Variants in SLC16A12 observed in about 807,000 individuals in gnomAD.
SLC16A12 encodes solute carrier family 16 member 12.
SLC16A12 carries 17 observed loss-of-function variants against 42.4 expected under a neutral mutation model. The observed-to-expected ratio is 0.40, with a 90% CI of 0.27 to 0.60. SLC16A12 has a LOEUF of 0.60. Ranked by LOEUF, SLC16A12 falls within the 20% of genes least tolerant of loss-of-function variation. The probability of loss-of-function intolerance (pLI) is 0.42; values close to 1 mark genes in which losing one functional copy is unlikely to be tolerated. For synonymous variants in SLC16A12, 224 were observed against 229.4 expected, an observed-to-expected ratio of 0.98 and a Z score of 0.21; for missense variants, 544 against 623.0, an observed-to-expected ratio of 0.87 and a Z score of 1.35.
upstream of SLC16A12, among the ~76,000 whole-genome samples, chr10:89,540,485 T>A (rs184850692): frequency 8.8e-4 from 134 of 152,338 alleles, no homozygotes; most frequent in Middle Eastern, 3.4e-3. Flanking sequence ...CTTTAGCCCC[T>A]ATTTCCACTG....
intron 2 of SLC16A12, among the ~76,000 whole-genome samples, chr10:89,486,691 AAAG>A (rs1176323365): frequency 6.9e-6 from 1 of 145,566 alleles, no homozygotes; most frequent in Non-Finnish European, 1.5e-5. Flanking sequence ...AAAAGAAAGA[AAAG>A]AAAAGAAAAA....
At chr10:89,509,099 A>T (rs1843119818) in intron 2 of SLC16A12, among the ~76,000 whole-genome samples, 1 of 152,204 alleles carries the variant, frequency 6.6e-6, no homozygotes, top group South Asian at 2.1e-4. Context: ...TAAGGCAATA[A>T]TTAATAGCCT....
rs750563271 is a variant in SLC16A12, at chr10:89,433,013, G to C, written c.*51C>G. 2 of 1,603,500 alleles carry C rather than the reference G, an allele frequency of 1.2e-6. No homozygotes were observed. The highest frequency in any genetic ancestry group is 2.3e-5 in the South Asian group (2 of 88,396). On this transcript the variant is annotated 3_prime_UTR_variant, in exon 8 of 8. Transcript: ENST00000371790. The stretch of plus-strand genomic sequence containing the variant: ...AAAGTTTCAGAAACATGAAGAATCT[G>C]GTGGCCCCACCTCTCTCAAACCTGA...
chr10:89,485,713 A>G (rs913621833), intron 2 of SLC16A12, among the ~76,000 whole-genome samples: 2 of 152,170 alleles, frequency 1.3e-5, no homozygotes, highest in Non-Finnish European at 2.9e-5. Context: ...CAGGTGAAAG[A>G]AGAAATGAGT....
chr10:89,493,448 C>T (rs559172022), intron 2 of SLC16A12, among the ~76,000 whole-genome samples: 33 of 152,302 alleles, frequency 2.2e-4, no homozygotes, highest in African/African-American at 7.7e-4. Flanking sequence ...GTCTTGAACT[C>T]CCAACCTCAG....
chr10:89,456,706 C>A (rs578083998), intron 3 of SLC16A12, among the ~76,000 whole-genome samples: 39 of 152,022 alleles, frequency 2.6e-4, no homozygotes, highest in Non-Finnish European at 4.7e-4. Context: ...TCTTCCCACT[C>A]CCCCACCCCG....
At chr10:89,471,190 C>T (rs1263255425) in intron 2 of SLC16A12, among the ~76,000 whole-genome samples, 5 of 152,152 alleles carry the variant, frequency 3.3e-5, no homozygotes, top group African/African-American at 4.8e-5. Flanking sequence ...TATGTAATTA[C>T]AACCACCACA....
intron 3 of SLC16A12, among the ~76,000 whole-genome samples, chr10:89,460,294 G>T (rs938022423): frequency 6.6e-6 from 1 of 152,038 alleles, no homozygotes; most frequent in African/African-American, 2.4e-5. Flanking sequence ...TCATAATATA[G>T]ATGAGTCTTA....
upstream of SLC16A12, among the ~76,000 whole-genome samples, chr10:89,537,150 T>TG (rs1843677157): frequency 6.6e-6 from 1 of 150,796 alleles, no homozygotes; most frequent in African/African-American, 2.4e-5. Flanking sequence ...GGTATGTTTT[T>TG]TTTTTTTTTT....
At position 89,509,208 on chromosome 10, in the gene SLC16A12, C is replaced by A. The variant is rs541581763; in HGVS notation, c.-47+25293G>T. ...CCATTCCTTCTGAAACTATTCCAAT[C>A]AATAGAAAAAGAGGGAATCCTCCCT... is the stretch of plus-strand genomic sequence containing the variant. On this transcript the variant is annotated intron_variant, in intron 2 of 7. Transcript: ENST00000371790. Among the ~76,000 whole-genome samples, 10 of 152,198 alleles carry A rather than the reference C, an allele frequency of 6.6e-5. No homozygotes were observed. The East Asian group carries it at 1.7e-3, about 26-fold the overall frequency.
intron 2 of SLC16A12, among the ~76,000 whole-genome samples, chr10:89,503,506 T>C (rs1296035048): frequency 6.6e-6 from 1 of 152,208 alleles, no homozygotes; most frequent in Non-Finnish European, 1.5e-5. Flanking sequence ...AGATGAAATA[T>C]GAAGTGATTT....
At chr10:89,495,009 G>A (rs1216499577) in intron 2 of SLC16A12, among the ~76,000 whole-genome samples, 1 of 152,048 alleles carries the variant, frequency 6.6e-6, no homozygotes, top group Non-Finnish European at 1.5e-5. Context: ...CATACTGAAT[G>A]GTGAAATGCC....
chr10:89,487,964 GTATATATATATATA>G (rs147234370), intron 2 of SLC16A12, among the ~76,000 whole-genome samples: 39 of 126,698 alleles, frequency 3.1e-4, no homozygotes, highest in African/African-American at 8.2e-4. Context: ...TGGTGTGTGT[GTATATATATATATA>G]TATATATATA....
chr10:89,531,679 G>A (rs1167731502), intron 2 of SLC16A12, among the ~76,000 whole-genome samples: 1 of 152,138 alleles, frequency 6.6e-6, no homozygotes, highest in Non-Finnish European at 1.5e-5. Context: ...GGTGATAAGT[G>A]TCTATTATAT....
intron 2 of SLC16A12, among the ~76,000 whole-genome samples, chr10:89,549,369 C>T (rs1317744077): frequency 6.6e-6 from 1 of 152,208 alleles, no homozygotes; most frequent in Non-Finnish European, 1.5e-5. Context: ...TGTGCTGCTT[C>T]CTTCAGCAGA....
At chr10:89,509,680 C>A (rs1157868458) in intron 2 of SLC16A12, among the ~76,000 whole-genome samples, 1 of 152,166 alleles carries the variant, frequency 6.6e-6, no homozygotes, top group Non-Finnish European at 1.5e-5. Context: ...AAAACTGGCA[C>A]AAGACAAGGA....
chr10:89,436,479 T>C (rs1214918876), intron 6 of SLC16A12, among the ~76,000 whole-genome samples, 160 bp from the exon 7 acceptor site: 1 of 152,160 alleles, frequency 6.6e-6, no homozygotes, highest in African/African-American at 2.4e-5. Context: ...TTTTTGCAAA[T>C]GCAAGAATTC....
At chr10:89,490,993 A>G (rs1164998420) in intron 2 of SLC16A12, among the ~76,000 whole-genome samples, 1 of 152,220 alleles carries the variant, frequency 6.6e-6, no homozygotes, top group African/African-American at 2.4e-5. Context: ...ACCAAATACT[A>G]TAACAAAAGA....
At chr10:89,544,481 C>A (rs1230075984) in intron 2 of SLC16A12, among the ~76,000 whole-genome samples, 2 of 152,122 alleles carry the variant, frequency 1.3e-5, no homozygotes, top group Non-Finnish European at 2.9e-5. Flanking sequence ...TTAATTTATT[C>A]AAAATCTTTT....
Sources: allele counts gnomAD v4.1 joint callset (sites outside exome capture counted in the v4.1 genomes callset), GRCh38; gene constraint gnomAD v4.1.1; transcripts MANE v1.5; gene names NCBI Gene and HGNC (gene_info 2026-07-23, HGNC 2026-07-21).